KCNQ2: variants seen among roughly 807,000 people sequenced by gnomAD.
KCNQ2 encodes the protein potassium voltage-gated channel subfamily Q member 2.
Under a neutral mutation model 84.8 loss-of-function variants are expected in KCNQ2, and 14 were observed. That is an observed-to-expected ratio of 0.17 (90% CI 0.11 to 0.26). The LOEUF (loss-of-function observed/expected upper bound fraction) is 0.26. Ranked by LOEUF, KCNQ2 falls within the 10% of genes least tolerant of loss-of-function variation. The probability of loss-of-function intolerance (pLI) is 1.00; values close to 1 mark genes in which losing one functional copy is unlikely to be tolerated. For synonymous variants in KCNQ2, 599 were observed against 554.1 expected, an observed-to-expected ratio of 1.08 and a Z score of -1.14; for missense variants, 788 against 1,254.0, an observed-to-expected ratio of 0.63 and a Z score of 5.61.
chr20:63,401,270 A>G lies in KCNQ2; in HGVS notation c.*5374T>C, dbSNP rs34839288. 0.19 allele frequency: 33,899 copies of G among 173,928 alleles called. 4,229 individuals are homozygous for G. Among genetic ancestry groups the G allele is most frequent in the East Asian group, 0.43 (2,805 of 6,456 alleles). 10.8% of individuals were successfully genotyped at this position (173,928 alleles called of 1,614,324 possible). On this transcript the variant is annotated 3_prime_UTR_variant, in exon 17 of 17. Coordinates refer to ENST00000359125, the MANE Select transcript of KCNQ2 (RefSeq NM_172107.4). Reference sequence around the variant, plus strand: ...CCGTTGCCCACAACCTCCCCCGGCGATGTCACCTCCTCCCAGGGTCGGCCG... The same window carrying G: ...CCGTTGCCCACAACCTCCCCCGGCGGTGTCACCTCCTCCCAGGGTCGGCCG...
At chr20:63,433,588 C>T in intron 8 of KCNQ2, 1 of 842,810 alleles carries the variant, frequency 1.2e-6, no homozygotes, top group Admixed American at 2.5e-5. Flanking sequence ...GACGATAAAG[C>T]AAAGGGGTGA....
intron 1 of KCNQ2, among the ~76,000 whole-genome samples, chr20:63,458,202 C>G (rs902400631): frequency 1.3e-5 from 2 of 152,164 alleles, no homozygotes; most frequent in Non-Finnish European, 2.9e-5. Context: ...CCATCCCAAC[C>G]CACTGAGCCC....
chr20:63,421,444 G>C (rs2145598810), intron 11 of KCNQ2, among the ~76,000 whole-genome samples: 1 of 152,300 alleles, frequency 6.6e-6, no homozygotes, highest in East Asian at 1.9e-4. Flanking sequence ...AAAGCTTTGT[G>C]GGGGACCCGT....
intron 12 of KCNQ2, among the ~76,000 whole-genome samples, chr20:63,417,077 C>G (rs796353335): frequency 1.1e-4 from 16 of 152,302 alleles, no homozygotes; most frequent in African/African-American, 3.8e-4. Context: ...GCTCAGGACC[C>G]CAGTCCTGAG....
chr20:63,430,766 G>GAA (rs1166107483), intron 9 of KCNQ2, among the ~76,000 whole-genome samples: 1 of 152,366 alleles, frequency 6.6e-6, no homozygotes, highest in Middle Eastern at 3.4e-3. Flanking sequence ...AGACTCAGGA[G>GAA]AAACTTGAGT....
intron 11 of KCNQ2, among the ~76,000 whole-genome samples, chr20:63,420,536 C>T (rs1386316867): frequency 2.1e-5 from 3 of 145,100 alleles, no homozygotes; most frequent in East Asian, 2.2e-4. Flanking sequence ...CCCAGCGTGG[C>T]GACGGCATCC....
At chr20:63,454,152 G>C (rs1245741309) in intron 1 of KCNQ2, among the ~76,000 whole-genome samples, 1 of 152,120 alleles carries the variant, frequency 6.6e-6, no homozygotes, top group Non-Finnish European at 1.5e-5. Context: ...CCAGAATTCA[G>C]GGAGATGAAT....
At chr20:63,442,068 A>G (rs1366099745) in intron 5 of KCNQ2, among the ~76,000 whole-genome samples, 2 of 152,180 alleles carry the variant, frequency 1.3e-5, no homozygotes, top group Non-Finnish European at 1.5e-5. Context: ...TCTCCTAGGG[A>G]TGCCTCTTCT....
In KCNQ2 at chr20:63,406,712, G is replaced by T; in HGVS notation, c.2551C>A (p.Pro851Thr). Residue 851 changes from proline to threonine, a missense_variant, in exon 17 of 17, where the codon CCC becomes ACC. Coordinates refer to ENST00000359125, the MANE Select transcript of KCNQ2 (RefSeq NM_172107.4). ...TCGCCGGTGGCCGAGCGTGGCGGGG[G>T]CCCGCACGGGGTACAGAGGTCGGAG... ...TDSDLCTPCGPPPRSATGEGP... is the reference protein window; with the variant it reads ...TDSDLCTPCGTPPRSATGEGP... 6.2e-7 allele frequency: 1 copy of T among 1,605,462 alleles called. No individual in the cohort carries two copies.
intron 1 of KCNQ2, among the ~76,000 whole-genome samples, chr20:63,451,309 T>G (rs1405006049): frequency 6.6e-6 from 1 of 152,112 alleles, no homozygotes; most frequent in Admixed American, 6.6e-5. Context: ...TGGGCTGGTA[T>G]TAACCCTCTG....
intron 1 of KCNQ2, among the ~76,000 whole-genome samples, chr20:63,463,296 C>T (rs1014032850): frequency 6.6e-6 from 1 of 152,138 alleles, no homozygotes; most frequent in African/African-American, 2.4e-5. Flanking sequence ...GGACATCAGG[C>T]CCTGCCTGGC....
intron 10 of KCNQ2, 132 bp from the exon 11 acceptor site, chr20:63,424,338 A>G: frequency 1.8e-6 from 2 of 1,109,080 alleles, no homozygotes; most frequent in East Asian, 5.2e-5. Context: ...AAGGCTGGGC[A>G]GGGGTGGAGC....
In KCNQ2 at chr20:63,414,913, C is replaced by T; in HGVS notation, c.1515G>A (p.Gln505=). ...AFRIKGAASR[Q]NSEEASLPGE... ...TGCGGCCACACCCACCTTCTGAGTT[C>T]TGCCGTGACGCGGCACCCTTGATGC... The change falls in exon 13 of 17, where the codon CAG becomes CAA. Residue 505 remains glutamine (Q), a synonymous_variant. Coordinates refer to ENST00000359125, the MANE Select transcript of KCNQ2 (RefSeq NM_172107.4). The surrounding 1 kb of genome is among the most constrained non-coding windows in gnomAD (Gnocchi z 6.6). The T allele has an allele frequency of 6.2e-7, 1 of 1,612,610 alleles. No homozygotes were observed. Among genetic ancestry groups the T allele is most frequent in the Non-Finnish European group, 8.5e-7 (1 of 1,179,944 alleles).
In KCNQ2 at chr20:63,407,448, G is replaced by A; in HGVS notation, c.1888-73C>T. 1 of 1,527,558 alleles carries A rather than the reference G, an allele frequency of 6.5e-7. No homozygotes were observed. The highest frequency in any genetic ancestry group is 8.9e-7 in the Non-Finnish European group (1 of 1,125,936). 94.6% of individuals were successfully genotyped at this position (1,527,558 alleles called of 1,614,324 possible). On this transcript the variant is annotated intron_variant, in intron 16 of 16. Coordinates refer to ENST00000359125, the MANE Select transcript of KCNQ2 (RefSeq NM_172107.4). The surrounding 1 kb of genome is among the most constrained non-coding windows in gnomAD (Gnocchi z 7.2). ...ATGTGGGGACCCAGGCTGCTCCCAGGAAATGGGGGGGCCCAGGCTGGTTCC... is the reference window on the plus strand; with the variant it reads ...ATGTGGGGACCCAGGCTGCTCCCAGAAAATGGGGGGGCCCAGGCTGGTTCC...
chr20:63,414,819 G>A lies in KCNQ2; in HGVS notation c.1525+84C>T, dbSNP rs948864622. On this transcript the variant is annotated intron_variant, in intron 13 of 16. Transcript: ENST00000359125. This position sits in a 1 kb window ranked among gnomAD's most constrained non-coding sequence, Gnocchi z 6.6. Reference sequence around the variant, plus strand: ...TCCAAGAGCAAGCAAAAGCAGCTGCGACGCCACAGGGTGGCCACAGTAGCG... The same window carrying A: ...TCCAAGAGCAAGCAAAAGCAGCTGCAACGCCACAGGGTGGCCACAGTAGCG... 9 of 1,358,638 alleles carry A rather than the reference G, an allele frequency of 6.6e-6. No individual in the cohort carries two copies. Among genetic ancestry groups the A allele is most frequent in the Non-Finnish European group, 9.4e-6 (9 of 953,180 alleles). The allele number at this position is 1,358,638 out of a possible 1,614,324, so 84.2% of individuals were successfully genotyped here.
rs2080208831 is a variant in KCNQ2, at chr20:63,414,068, C to A, written c.1631+20G>T. 1 of 1,590,248 alleles carries A rather than the reference C, an allele frequency of 6.3e-7. No homozygotes were observed. The highest frequency in any genetic ancestry group is 8.6e-7 in the Non-Finnish European group (1 of 1,159,132). ...GCCCCTCCTCACTCCCCCAGGCTCC[C>A]GGCTGGGCAGGGGCCTCACCACACG... On this transcript the variant is annotated intron_variant, in intron 14 of 16. Transcript: ENST00000359125. This position sits in a 1 kb window ranked among gnomAD's most constrained non-coding sequence, Gnocchi z 6.6.
chr20:63,409,234 G>A (rs1181683008), intron 15 of KCNQ2, among the ~76,000 whole-genome samples: 1 of 152,186 alleles, frequency 6.6e-6, no homozygotes. Flanking sequence ...GTGCATGTGT[G>A]TGCCCTCATG....
At chr20:63,465,564 CGGGCTGGTGAGCGTAGGG>C (rs1049275393) in intron 1 of KCNQ2, among the ~76,000 whole-genome samples, 1 of 152,208 alleles carries the variant, frequency 6.6e-6, no homozygotes, top group Non-Finnish European at 1.5e-5. Flanking sequence ...GCTCGGCACA[CGGGCTGGTGAGCGTAGGG>C]GTCGCACGCA....
chr20:63,471,437 G>A (rs978072508), intron 1 of KCNQ2, among the ~76,000 whole-genome samples: 1 of 152,184 alleles, frequency 6.6e-6, no homozygotes, highest in South Asian at 2.1e-4. Flanking sequence ...AGGGCTGGGG[G>A]TCCCAGGTCT....
Sources: allele counts gnomAD v4.1 joint callset (sites outside exome capture counted in the v4.1 genomes callset), GRCh38; gene constraint gnomAD v4.1.1; non-coding constraint Gnocchi (gnomAD v3.1); transcripts MANE v1.5; gene names NCBI Gene and HGNC (gene_info 2026-07-23, HGNC 2026-07-21).